Variants in PAK5 observed in about 807,000 individuals in gnomAD.
PAK5 encodes p21 (RAC1) activated kinase 5.
In PAK5, 16 loss-of-function variants were observed where a neutral mutation model predicts 65.9. The ratio of observed to expected loss-of-function variants is 0.24; its 90% CI spans 0.16 to 0.37. The LOEUF is 0.37. Among genes scored for constraint, PAK5 ranks in the 10% least tolerant of loss-of-function variants. The pLI is 1.00. For missense variants in PAK5, 785 were observed against 903.9 expected (o/e 0.87, Z 1.69); for synonymous variants, 371 against 354.9 (o/e 1.05, Z -0.51).
chr20:9,569,099 A>T (rs2045731744), intron 4 of PAK5, among the ~76,000 whole-genome samples: 1 of 152,242 alleles, frequency 6.6e-6, no homozygotes, highest in Non-Finnish European at 1.5e-5. Flanking sequence ...AAACTGTGAA[A>T]TAGTAAATGT....
chr20:9,648,691 T>A (rs1213798265), intron 2 of PAK5, among the ~76,000 whole-genome samples: 1 of 152,182 alleles, frequency 6.6e-6, no homozygotes, highest in Non-Finnish European at 1.5e-5. Flanking sequence ...AGGAAACAGA[T>A]GCTCAGAGTC....
intron 3 of PAK5, among the ~76,000 whole-genome samples, chr20:9,599,870 A>C (rs1202692697): frequency 2.0e-5 from 3 of 151,920 alleles, no homozygotes; most frequent in African/African-American, 7.3e-5. Flanking sequence ...CTAATTTATC[A>C]TTTTTTTTCT....
chr20:9,686,223 C>T (rs1333965791), intron 2 of PAK5, among the ~76,000 whole-genome samples: 2 of 152,098 alleles, frequency 1.3e-5, no homozygotes, highest in African/African-American at 2.4e-5. Flanking sequence ...CCAGTATCTG[C>T]CCTTCTCTGT....
At position 9,640,472 on chromosome 20, in the gene PAK5, T is replaced by C. The variant is rs374447404; in HGVS notation, c.204+3653A>G. On this transcript the variant is annotated intron_variant, in intron 3 of 9. Transcript: ENST00000353224. ...GATCCAGTCTATCATTGTTGGACAT[T>C]TGGGTTGGTTTCAAGTCTTTGCTAT... Among the ~76,000 whole-genome samples, 265 of 152,228 alleles carry C rather than the reference T, an allele frequency of 1.7e-3. 1 individual carries two copies. Among genetic ancestry groups the C allele is most frequent in the African/African-American group, 5.9e-3 (245 of 41,524 alleles).
rs190960515 is a variant in PAK5, at chr20:9,620,162, A to G, written c.204+23963T>C. Among the ~76,000 whole-genome samples the G allele has an allele frequency of 3.3e-4, 50 of 152,358 alleles. No homozygotes were observed. The East Asian group carries it at 7.7e-3, about 23-fold the overall frequency. Reference sequence around the variant, plus strand: ...CCTCCACCACAGCCTTTATTTGCCCATTCACAACACTCTGTAATTAGAGCT... The same window carrying G: ...CCTCCACCACAGCCTTTATTTGCCCGTTCACAACACTCTGTAATTAGAGCT... On this transcript the variant is annotated intron_variant, in intron 3 of 9. Coordinates refer to ENST00000353224, the MANE Select transcript of PAK5 (RefSeq NM_177990.4).
intron 3 of PAK5, among the ~76,000 whole-genome samples, chr20:9,583,577 A>C (rs2046017416): frequency 6.6e-6 from 1 of 152,196 alleles, no homozygotes. Context: ...TTCTTTGGTC[A>C]CATTCTGCAT....
At chr20:9,688,079 T>TGA (rs1454343749) in intron 2 of PAK5, among the ~76,000 whole-genome samples, 1 of 151,566 alleles carries the variant, frequency 6.6e-6, no homozygotes, top group Non-Finnish European at 1.5e-5. Flanking sequence ...GACACCAAGG[T>TGA]GAGAGAGAGG....
intron 7 of PAK5, among the ~76,000 whole-genome samples, chr20:9,547,300 T>C (rs2045359736): frequency 6.6e-6 from 1 of 152,134 alleles, no homozygotes; most frequent in African/African-American, 2.4e-5. Flanking sequence ...ATCATGAGAA[T>C]ACATTTCATG....
At chr20:9,683,216 C>T (rs6141004) in intron 2 of PAK5, among the ~76,000 whole-genome samples, 44,195 of 152,082 alleles carry the variant, frequency 0.29, 6,788 homozygotes, top group African/African-American at 0.38. Flanking sequence ...CTGCCTCTGG[C>T]TCTGTTCTCC....
intron 2 of PAK5, among the ~76,000 whole-genome samples, chr20:9,703,570 T>C (rs894475824): frequency 1.3e-5 from 2 of 152,116 alleles, no homozygotes; most frequent in Admixed American, 6.5e-5. Flanking sequence ...ATAAACTGTA[T>C]GCTTTTTGCA....
chr20:9,605,318 T>A (rs2046433669), intron 3 of PAK5, among the ~76,000 whole-genome samples: 2 of 152,164 alleles, frequency 1.3e-5, no homozygotes, highest in Admixed American at 6.5e-5. Context: ...TTAGTGTGCA[T>A]GAGATGAGTC....
chr20:9,755,208 C>G (rs1404246965), intron 1 of PAK5, among the ~76,000 whole-genome samples: 1 of 152,194 alleles, frequency 6.6e-6, no homozygotes, highest in Non-Finnish European at 1.5e-5. Flanking sequence ...TGGCATAATA[C>G]ATGACTCCAG....
chr20:9,762,290 C>A (rs2048708724), intron 1 of PAK5, among the ~76,000 whole-genome samples: 1 of 152,070 alleles, frequency 6.6e-6, no homozygotes, highest in Non-Finnish European at 1.5e-5. Context: ...AATGCTTCTG[C>A]ATAGCAAAGG....
chr20:9,790,750 C>T (rs143185356), intron 1 of PAK5, among the ~76,000 whole-genome samples: 364 of 152,210 alleles, frequency 2.4e-3, no homozygotes, highest in Non-Finnish European at 3.6e-3. Context: ...CTTCCCATCT[C>T]GGCCTCCCAA....
intron 3 of PAK5, among the ~76,000 whole-genome samples, chr20:9,624,352 C>T (rs751696024): frequency 5.3e-5 from 8 of 151,966 alleles, no homozygotes; most frequent in Admixed American, 2.6e-4. Context: ...TCATGCCTAG[C>T]CCATGACGGG....
chr20:9,590,257 A>G (rs536076899), intron 3 of PAK5, among the ~76,000 whole-genome samples: 1 of 152,358 alleles, frequency 6.6e-6, no homozygotes. Flanking sequence ...GGTATGAGCC[A>G]CCAGGACTGG....
At chr20:9,605,154 T>C (rs2046429950) in intron 3 of PAK5, among the ~76,000 whole-genome samples, 4 of 152,298 alleles carry the variant, frequency 2.6e-5, no homozygotes, top group East Asian at 1.9e-4. Context: ...TGCAGAGCCA[T>C]GTCAAATGCA....
intron 1 of PAK5, among the ~76,000 whole-genome samples, chr20:9,736,334 G>C (rs535703393): frequency 6.6e-6 from 1 of 152,108 alleles, no homozygotes; most frequent in Non-Finnish European, 1.5e-5. Flanking sequence ...AGGATACAAA[G>C]GAAGGGACAA....
chr20:9,580,074 A>G (rs2045950145), intron 4 of PAK5, 71 bp downstream of exon 4: 3 of 1,306,974 alleles, frequency 2.3e-6, no homozygotes, highest in Non-Finnish European at 3.2e-6. Flanking sequence ...CAATCGTATA[A>G]AAAGGTCGTG....
Sources: gnomAD v4.1 joint callset for allele counts (sites outside exome capture counted in the v4.1 genomes callset) on GRCh38, gnomAD v4.1.1 for gene constraint, MANE v1.5 for transcripts, NCBI Gene and HGNC (gene_info 2026-07-23, HGNC 2026-07-21) for gene names.